Variants in CSGALNACT1 observed in about 807,000 individuals in gnomAD.
The protein encoded by CSGALNACT1 is chondroitin sulfate N-acetylgalactosaminyltransferase 1.
A neutral mutation model predicts 51.0 loss-of-function variants in CSGALNACT1; 52 were observed. The ratio of observed to expected loss-of-function variants is 1.02; its 90% confidence interval spans 0.82 to 1.29. The LOEUF (loss-of-function observed/expected upper bound fraction) is 1.29. CSGALNACT1 is among the 50% of genes most tolerant of loss of function. The pLI, the probability that CSGALNACT1 is intolerant of heterozygous loss-of-function variation, is 0.00. For missense variants in CSGALNACT1, 935 were observed against 679.2 expected (o/e 1.38, Z -4.19); for synonymous variants, 341 against 254.4 (o/e 1.34, Z -3.24).
At chr8:19,563,473 C>A (rs1212689157) in intron 3 of CSGALNACT1, among the ~76,000 whole-genome samples, 2 of 152,174 alleles carry the variant, frequency 1.3e-5, no homozygotes, top group Admixed American at 6.5e-5. Flanking sequence ...GCAGAGACAA[C>A]TGGCAAGTCA....
chr8:19,437,214 G>T (rs1406299927), intron 6 of CSGALNACT1, among the ~76,000 whole-genome samples: 1 of 152,138 alleles, frequency 6.6e-6, no homozygotes, highest in African/African-American at 2.4e-5. Context: ...CCAGAGGTGG[G>T]AACTTAGGTG....
chr8:19,666,927 G>A (rs1350676134), intron 1 of CSGALNACT1, among the ~76,000 whole-genome samples: 9 of 131,766 alleles, frequency 6.8e-5, no homozygotes, highest in Non-Finnish European at 1.6e-5. Context: ...GGAAGGGAGA[G>A]ACAGAGAGAG....
chr8:19,428,839 G>C (rs375171889), intron 6 of CSGALNACT1, among the ~76,000 whole-genome samples: 2 of 129,494 alleles, frequency 1.5e-5, no homozygotes, highest in Non-Finnish European at 3.4e-5. Flanking sequence ...GTGTGTGTGT[G>C]TGTGTGTGTG....
intron 1 of CSGALNACT1, among the ~76,000 whole-genome samples, chr8:19,702,872 G>A (rs897752908): frequency 2.0e-5 from 3 of 152,160 alleles, no homozygotes; most frequent in Non-Finnish European, 4.4e-5. Context: ...GGGAATCAGT[G>A]TAGCCCAGCC....
At chr8:19,706,437 T>C (rs1259620293) in intron 1 of CSGALNACT1, among the ~76,000 whole-genome samples, 1 of 152,096 alleles carries the variant, frequency 6.6e-6, no homozygotes, top group Non-Finnish European at 1.5e-5. Flanking sequence ...CGGCAGCCCA[T>C]GAGGTCAAGG....
At chr8:19,734,555 T>C (rs1227116326) in intron 1 of CSGALNACT1, among the ~76,000 whole-genome samples, 2 of 152,328 alleles carry the variant, frequency 1.3e-5, no homozygotes, top group African/African-American at 2.4e-5. Flanking sequence ...GGTTCATGAA[T>C]TATTCTTTGC....
chr8:19,536,206 A>C (rs1360778323), intron 3 of CSGALNACT1, among the ~76,000 whole-genome samples: 2 of 152,234 alleles, frequency 1.3e-5, no homozygotes, highest in Admixed American at 1.3e-4. Context: ...ATGTAGATTC[A>C]TCAATTTAAC....
At chr8:19,529,455 A>C (rs28488909) in intron 3 of CSGALNACT1, among the ~76,000 whole-genome samples, 6,321 of 152,246 alleles carry the variant, frequency 0.042, 299 homozygotes, top group East Asian at 0.14. Context: ...TAGGAGCTAA[A>C]TCAAGAAGAA....
chr8:19,522,792 T>C (rs2080979476), intron 3 of CSGALNACT1, among the ~76,000 whole-genome samples: 1 of 152,162 alleles, frequency 6.6e-6, no homozygotes, highest in Non-Finnish European at 1.5e-5. Flanking sequence ...TATGATTCAA[T>C]ACACTAACGT....
upstream of CSGALNACT1, among the ~76,000 whole-genome samples, chr8:19,685,730 C>T (rs906245100): frequency 3.9e-5 from 6 of 152,100 alleles, no homozygotes; most frequent in Non-Finnish European, 8.8e-5. Flanking sequence ...TGCTTCTAGG[C>T]CATCATTCAT....
At chr8:19,583,032 T>C (rs2045912791) in intron 3 of CSGALNACT1, among the ~76,000 whole-genome samples, 1 of 152,164 alleles carries the variant, frequency 6.6e-6, no homozygotes, top group African/African-American at 2.4e-5. Context: ...GGGACACATA[T>C]ATACACTGGA....
At chr8:19,464,055 G>C (rs75248461) in intron 4 of CSGALNACT1, among the ~76,000 whole-genome samples, 1 of 152,174 alleles carries the variant, frequency 6.6e-6, no homozygotes, top group Non-Finnish European at 1.5e-5. Context: ...GCGTGCAGAC[G>C]GGTTGTGACA....
At chr8:19,483,798 TTAC>T (rs1212997651) in intron 4 of CSGALNACT1, among the ~76,000 whole-genome samples, 1 of 152,194 alleles carries the variant, frequency 6.6e-6, no homozygotes, top group Non-Finnish European at 1.5e-5. Flanking sequence ...AAATAATAAA[TTAC>T]TATTGACTAA....
At chr8:19,644,604 G>C (rs2057078025) in intron 1 of CSGALNACT1, among the ~76,000 whole-genome samples, 1 of 150,928 alleles carries the variant, frequency 6.6e-6, no homozygotes, top group African/African-American at 2.4e-5. Context: ...CAGCTACTTG[G>C]GAGACTGAGA....
upstream of CSGALNACT1, among the ~76,000 whole-genome samples, chr8:19,606,714 TCTTCA>T (rs543426183): frequency 1.7e-3 from 257 of 152,336 alleles, 1 homozygote; most frequent in African/African-American, 5.9e-3. Context: ...ACCCTGCTTT[TCTTCA>T]CTTCAATTTC....
At chr8:19,570,573 G>A (rs2042805994) in intron 3 of CSGALNACT1, among the ~76,000 whole-genome samples, 1 of 152,164 alleles carries the variant, frequency 6.6e-6, no homozygotes, top group Non-Finnish European at 1.5e-5. Context: ...AGGCATTCAG[G>A]ACAGTGGCAC....
intron 3 of CSGALNACT1, among the ~76,000 whole-genome samples, chr8:19,585,951 C>T (rs1031000988): frequency 6.6e-6 from 1 of 152,184 alleles, no homozygotes; most frequent in Non-Finnish European, 1.5e-5. Flanking sequence ...GATGCCCAGG[C>T]TGGGAACAGC....
intron 3 of CSGALNACT1, among the ~76,000 whole-genome samples, chr8:19,563,286 G>C (rs1353414205): frequency 6.6e-6 from 1 of 152,116 alleles, no homozygotes; most frequent in African/African-American, 2.4e-5. Context: ...AGGAGGGTCA[G>C]GGGGAGGGAG....
At chr8:19,555,162 C>A (rs368023411) in intron 3 of CSGALNACT1, among the ~76,000 whole-genome samples, 1 of 151,718 alleles carries the variant, frequency 6.6e-6, no homozygotes, top group South Asian at 2.1e-4. Context: ...TAGCTTGAAC[C>A]CAGGAGGCAG....
Sources: gnomAD v4.1 joint callset for allele counts (sites outside exome capture counted in the v4.1 genomes callset) on GRCh38, gnomAD v4.1.1 for gene constraint, MANE v1.5 for transcripts, NCBI Gene and HGNC (gene_info 2026-07-23, HGNC 2026-07-21) for gene names.